The following MYO9A variants were observed in gnomAD, a reference collection of about 807,000 sequenced individuals.
MYO9A encodes myosin IXA.
MYO9A carries 103 observed loss-of-function variants against 293.3 expected under a neutral mutation model. The observed-to-expected ratio is 0.35, with a 90% CI of 0.30 to 0.41. The LOEUF is 0.41. MYO9A is among the 10% of genes least tolerant of loss of function. MYO9A has a pLI of 1.00. For missense variants in MYO9A, 2,685 were observed against 3,033.0 expected (o/e 0.89, Z 2.69); for synonymous variants, 1,001 against 1,035.7 (o/e 0.97, Z 0.64).
At position 71,880,517 on chromosome 15, in the gene MYO9A, G is replaced by A; in HGVS notation, c.5440C>T (p.Leu1814=). 1 of 1,614,194 alleles carries A rather than the reference G, an allele frequency of 6.2e-7. No individual in the cohort carries two copies. Among genetic ancestry groups the A allele is most frequent in the Non-Finnish European group, 8.5e-7 (1 of 1,179,994 alleles). The change falls in exon 29 of 42, where the codon CTG becomes TTG. Residue 1814 remains leucine (L), a synonymous_variant. Coordinates refer to ENST00000356056, the MANE Select transcript of MYO9A (RefSeq NM_006901.4). ...YHPTPPLSPE[L]PGSCRKEFKE... is the part of the protein sequence containing the mutation. ...AATTCCTTCCGGCAACTGCCGGGCA[G>A]TTCTGGGCTCAAAGGAGGTGTTGGG...
intron 12 of MYO9A, among the ~76,000 whole-genome samples, chr15:71,974,002 G>C (rs1216539991): frequency 6.6e-6 from 1 of 152,144 alleles, no homozygotes; most frequent in Non-Finnish European, 1.5e-5. Flanking sequence ...TGGTAGCCCT[G>C]GGGGGCTACA....
intron 1 of MYO9A, among the ~76,000 whole-genome samples, chr15:72,080,475 A>T (rs12439689): frequency 0.05 from 7,562 of 152,094 alleles, 315 homozygotes; most frequent in East Asian, 0.18. Context: ...CTATGAAGAC[A>T]GTCTCCACAG....
chr15:71,910,168 G>GTGTATATATA lies in MYO9A; in HGVS notation c.2686-5163_2686-5162insTATATATACA, dbSNP rs56277057. On this transcript the variant is annotated intron_variant, in intron 19 of 41. Transcript: ENST00000356056. ...CGTGTGTGTGTATATATATATACGT[G>GTGTATATATA]TATATATATATATAAAATCAGAAAC... Among the ~76,000 whole-genome samples the GTGTATATATA allele has an allele frequency of 2.6e-3, 329 of 128,302 alleles. 4 individuals are homozygous for GTGTATATATA. The highest frequency in any genetic ancestry group is 0.012 in the Middle Eastern group (3 of 246). The allele number at this position is 128,302 out of a possible 152,430, so 84.2% of individuals were successfully genotyped here. A position where few individuals can be genotyped will look rare whatever the true frequency, so the allele number is the denominator to read the frequency against.
Position 71,830,305 on chromosome 15 carries a change from C to A in MYO9A, c.6844G>T (p.Gly2282Trp), listed in dbSNP as rs770465559. Residue 2282 changes from glycine (G) to tryptophan (W), a missense_variant, in exon 40 of 42, where the codon GGG becomes TGG. Transcript: ENST00000356056. ...LSLIRRSMGK[G>W]RIRRGNYPGP... ...GGATAGTTTCCTCGACGAATACGCC[C>A]CTTTCCCTGCAGAGAAAAATTCATG... The A allele has an allele frequency of 6.2e-7, 1 of 1,613,318 alleles. No homozygotes were observed. The highest frequency in any genetic ancestry group is 2.2e-5 in the East Asian group (1 of 44,868).
At chr15:71,938,297 A>G (rs1223078521) in intron 16 of MYO9A, among the ~76,000 whole-genome samples, 3 of 151,940 alleles carry the variant, frequency 2.0e-5, no homozygotes, top group African/African-American at 7.2e-5. Context: ...TTCTAGAAAC[A>G]ATGTTCTCCT....
chr15:71,951,651 A>G lies in MYO9A; in HGVS notation c.2302+126T>C. On this transcript the variant is annotated intron_variant, in intron 15 of 41. Transcript: ENST00000356056. ...AAAGACTCAATAGAAATATTCAAAGACTGCTCAGAGGTTTATGGAGGCCAT... is the reference window on the plus strand; with the variant it reads ...AAAGACTCAATAGAAATATTCAAAGGCTGCTCAGAGGTTTATGGAGGCCAT... 4.0e-6 allele frequency: 4 copies of G among 1,010,238 alleles called. No homozygotes were observed. The South Asian group carries it at 6.9e-5, about 17-fold the overall frequency. The allele number at this position is 1,010,238 out of a possible 1,614,324, so 62.6% of individuals were successfully genotyped here. A position where few individuals can be genotyped will look rare whatever the true frequency, so the allele number is the denominator to read the frequency against.
chr15:71,883,532 A>G, intron 28 of MYO9A, 62 bp downstream of exon 28: 1 of 1,541,790 alleles, frequency 6.5e-7, no homozygotes, highest in Non-Finnish European at 8.8e-7. Flanking sequence ...CAGGAATAGC[A>G]AACTTTCAGA....
chr15:72,046,337 AGAATCCATTC>A lies in MYO9A; in HGVS notation c.217_226del (p.Glu73SerfsTer11). The A allele has an allele frequency of 6.2e-7, 1 of 1,614,010 alleles. No individual in the cohort carries two copies. The highest frequency in any genetic ancestry group is 2.2e-5 in the East Asian group (1 of 44,878). ...CTGAACTGGACAATCTGTTGGATTG[AGAATCCATTC>A]TTCTCCACCAAATTCCTTTACCTCT... On this transcript the variant is annotated frameshift_variant, in exon 2 of 42. Coordinates refer to ENST00000356056, the MANE Select transcript of MYO9A (RefSeq NM_006901.4). LOFTEE classifies it high-confidence loss of function.
intron 16 of MYO9A, among the ~76,000 whole-genome samples, chr15:71,937,229 G>C (rs2058666367): frequency 2.0e-5 from 3 of 152,156 alleles, no homozygotes; most frequent in South Asian, 4.1e-4. Flanking sequence ...GGCAGGGTTT[G>C]AGAGGATTGA....
chr15:72,041,071 T>A (rs983658778), intron 2 of MYO9A: 1 of 451,518 alleles, frequency 2.2e-6, no homozygotes, highest in Non-Finnish European at 4.3e-6. Context: ...ATGGTAAAAC[T>A]CCATCTCTAC....
At chr15:71,847,531 T>G in intron 39 of MYO9A, 1 of 415,752 alleles carries the variant, frequency 2.4e-6, no homozygotes, top group South Asian at 1.6e-5. Flanking sequence ...ATTGCCTCAT[T>G]AAAAGAGAAG....
In MYO9A at chr15:72,045,706, AG is replaced by A; in HGVS notation, c.840+17del. The A allele has an allele frequency of 6.5e-7, 1 of 1,546,070 alleles. No individual in the cohort carries two copies. Among genetic ancestry groups the A allele is most frequent in the East Asian group, 2.3e-5 (1 of 44,358 alleles). Reference sequence around the variant, plus strand: ...AAAATCAAAATTAAAATCAAAAATAAGATTTCTATATATTTACCTCAAGTAC... The same window carrying A: ...AAAATCAAAATTAAAATCAAAAATAAATTTCTATATATTTACCTCAAGTAC... On this transcript the variant is annotated intron_variant, in intron 2 of 41. Transcript: ENST00000356056.
At chr15:71,834,009 T>C (rs1456802250) in intron 39 of MYO9A, among the ~76,000 whole-genome samples, 1 of 151,690 alleles carries the variant, frequency 6.6e-6, no homozygotes, top group African/African-American at 2.4e-5. Context: ...ACAAAAGCAA[T>C]AAAGAAAAGA....
In MYO9A at chr15:71,968,034, G is replaced by A; in HGVS notation, c.1936C>T (p.Pro646Ser). ...GCATAATGTTTTATAATGAAAGCAG[G>A]CTCCATCACGGCTGGAAATTCGATG... ...SYIEFPAVME[P>S]AFIIKHYAGK... is the part of the protein sequence containing the mutation. Residue 646 changes from proline (P) to serine (S), a missense_variant, in exon 13 of 42, where the codon CCT (proline) becomes TCT (serine). By Grantham distance (74) the Pro-to-Ser change is moderately conservative. Coordinates refer to ENST00000356056, the MANE Select transcript of MYO9A (RefSeq NM_006901.4). 2 of 1,611,468 alleles carry A rather than the reference G, an allele frequency of 1.2e-6. No homozygotes were observed. The highest frequency in any genetic ancestry group is 1.7e-6 in the Non-Finnish European group (2 of 1,178,752).
chr15:72,099,685 T>C (rs2080201574), intron 1 of MYO9A, among the ~76,000 whole-genome samples: 1 of 151,814 alleles, frequency 6.6e-6, no homozygotes. Context: ...GTGGATCACC[T>C]GAAGCCAGGA....
intron 15 of MYO9A, among the ~76,000 whole-genome samples, chr15:71,939,871 T>C (rs948840402): frequency 1.3e-5 from 2 of 152,252 alleles, no homozygotes; most frequent in East Asian, 1.9e-4. Flanking sequence ...GAAAATCCTA[T>C]GGAATAATTT....
At position 71,878,221 on chromosome 15, in the gene MYO9A, C is replaced by T; in HGVS notation, c.5750G>A (p.Gly1917Glu). The stretch of plus-strand genomic sequence containing the variant: ...GAGGTCTTTATACCGTATGCTTTTC[C>T]CATCATCCATCTATAAGCAATAAGA... ...FYSSALAMDD[G>E]KSIRYKDLYA... Residue 1917 changes from glycine (G) to glutamate (E), a missense_variant, in exon 31 of 42, where the codon GGG becomes GAG. Coordinates refer to ENST00000356056, the MANE Select transcript of MYO9A (RefSeq NM_006901.4). 6.5e-7 allele frequency: 1 copy of T among 1,541,586 alleles called. No homozygotes were observed. The highest frequency in any genetic ancestry group is 1.3e-5 in the South Asian group (1 of 77,780).
At chr15:71,877,924 A>C in intron 31 of MYO9A, 116 bp downstream of exon 31, 2 of 809,586 alleles carry the variant, frequency 2.5e-6, no homozygotes, top group Non-Finnish European at 3.8e-6. Flanking sequence ...TGTTCCCTGT[A>C]ATGTTTTTCT....
At chr15:72,090,840 G>A (rs1267297599) in intron 1 of MYO9A, among the ~76,000 whole-genome samples, 1 of 152,026 alleles carries the variant, frequency 6.6e-6, no homozygotes, top group African/African-American at 2.4e-5. Flanking sequence ...ATTGCTGTGA[G>A]ATTAAGTGTG....
Sources: allele counts gnomAD v4.1 joint callset (sites outside exome capture counted in the v4.1 genomes callset), GRCh38; gene constraint gnomAD v4.1.1; transcripts MANE v1.5; gene names NCBI Gene and HGNC (gene_info 2026-07-23, HGNC 2026-07-21).